Variants in SNX24 observed in about 807,000 individuals in gnomAD.
The protein encoded by SNX24 is sorting nexin 24.
SNX24 carries 22 observed loss-of-function variants against 28.7 expected under a neutral mutation model. That is an observed-to-expected ratio of 0.77 (90% CI 0.55 to 1.10). The LOEUF is 1.10. Among genes scored for constraint, SNX24 ranks in the 50% least tolerant of loss-of-function variants. SNX24 has a pLI of 0.00. For synonymous variants in SNX24, 69 were observed against 71.5 expected, an observed-to-expected ratio of 0.96 and a Z score of 0.18; for missense variants, 221 against 201.1, an observed-to-expected ratio of 1.10 and a Z score of -0.60.
chr5:122,919,851 A>T (rs896615137), intron 1 of SNX24, among the ~76,000 whole-genome samples: 1 of 152,100 alleles, frequency 6.6e-6, no homozygotes, highest in Non-Finnish European at 1.5e-5. Flanking sequence ...AACTCTTCCC[A>T]TACTGTGGAG....
chr5:122,927,570 T>C (rs1337527208), intron 1 of SNX24, among the ~76,000 whole-genome samples: 2 of 152,108 alleles, frequency 1.3e-5, no homozygotes, highest in East Asian at 1.9e-4. Context: ...TTCTAGAAGG[T>C]ATAGTGTAAG....
At chr5:122,973,690 T>A (rs1241265848) in intron 3 of SNX24, among the ~76,000 whole-genome samples, 1 of 152,144 alleles carries the variant, frequency 6.6e-6, no homozygotes, top group Non-Finnish European at 1.5e-5. Flanking sequence ...GCTAGATGGA[T>A]CAAAAAGCAT....
chr5:123,026,949 C>G (rs987681835), intron 5 of SNX24, among the ~76,000 whole-genome samples: 1 of 152,132 alleles, frequency 6.6e-6, no homozygotes, highest in Non-Finnish European at 1.5e-5. Context: ...AATCCCAGCA[C>G]TTTGGGAGGC....
intron 6 of SNX24, among the ~76,000 whole-genome samples, chr5:123,006,954 G>A (rs1332078761): frequency 6.6e-6 from 1 of 152,130 alleles, no homozygotes; most frequent in Admixed American, 6.5e-5. Context: ...ATAGTTCCTG[G>A]ATATCATTAT....
At chr5:122,977,617 C>T (rs1761220398) in intron 3 of SNX24, among the ~76,000 whole-genome samples, 1 of 152,130 alleles carries the variant, frequency 6.6e-6, no homozygotes, top group Non-Finnish European at 1.5e-5. Context: ...GAAATTTCTG[C>T]CTTTAAATTA....
chr5:122,875,942 C>T (rs1034007539), intron 1 of SNX24, among the ~76,000 whole-genome samples: 2 of 152,080 alleles, frequency 1.3e-5, no homozygotes, highest in South Asian at 2.1e-4. Context: ...TGCATGGTGG[C>T]GGGCGCCTAT....
intron 5 of SNX24, among the ~76,000 whole-genome samples, chr5:123,014,686 G>A (rs1262372031): frequency 3.3e-5 from 5 of 152,042 alleles, no homozygotes; most frequent in African/African-American, 1.2e-4. Flanking sequence ...TTTTTAAAAT[G>A]TTGATCAGAT....
chr5:123,018,430 T>C (rs1384575039), intron 5 of SNX24, among the ~76,000 whole-genome samples: 1 of 152,066 alleles, frequency 6.6e-6, no homozygotes, highest in African/African-American at 2.4e-5. Flanking sequence ...AGATCCAGGA[T>C]ATCTATAACA....
At chr5:122,907,907 ATTTTCT>A (rs1757712656) in intron 1 of SNX24, among the ~76,000 whole-genome samples, 1 of 148,912 alleles carries the variant, frequency 6.7e-6, no homozygotes, top group African/African-American at 2.5e-5. Flanking sequence ...TTTTTTTTTA[ATTTTCT>A]TTTAAGGACA....
In SNX24 at chr5:122,850,116, TG is replaced by T. The variant is rs1284465995; in HGVS notation, c.60+4424del. On this transcript the variant is annotated intron_variant, in intron 1 of 6. Transcript: ENST00000261369. ...ATGATTAGCTTTGCATTTAGAAAGA[TG>T]ACTATCTTAGTTCAGGCTACTTTAA... Among the ~76,000 whole-genome samples, 10 of 152,334 alleles carry T rather than the reference TG, an allele frequency of 6.6e-5. No individual in the cohort carries two copies. In the East Asian group the frequency reaches 1.5e-3, roughly 23 times the overall value.
At chr5:122,931,076 G>A (rs942159022) in intron 1 of SNX24, among the ~76,000 whole-genome samples, 2 of 152,022 alleles carry the variant, frequency 1.3e-5, no homozygotes, top group African/African-American at 4.8e-5. Context: ...GTAGTGGTTG[G>A]TTTGTAGCAG....
At chr5:122,860,530 A>T (rs891757701) in intron 1 of SNX24, among the ~76,000 whole-genome samples, 1 of 152,162 alleles carries the variant, frequency 6.6e-6, no homozygotes, top group African/African-American at 2.4e-5. Flanking sequence ...CCTGTAGGAG[A>T]TGAAGGGGCA....
At chr5:122,993,873 G>A (rs1761956859) in intron 3 of SNX24, among the ~76,000 whole-genome samples, 1 of 152,148 alleles carries the variant, frequency 6.6e-6, no homozygotes, top group Non-Finnish European at 1.5e-5. Flanking sequence ...AAGCTTCAGT[G>A]GTGAACTTTG....
intron 3 of SNX24, among the ~76,000 whole-genome samples, chr5:122,994,894 A>G (rs972572618): frequency 1.3e-5 from 2 of 152,198 alleles, no homozygotes; most frequent in African/African-American, 4.8e-5. Flanking sequence ...TCTATTGCCC[A>G]GTTTTACTGT....
intron 6 of SNX24, among the ~76,000 whole-genome samples, chr5:123,004,745 T>C (rs1762364499): frequency 6.6e-6 from 1 of 152,194 alleles, no homozygotes; most frequent in Non-Finnish European, 1.5e-5. Flanking sequence ...TCAGATGTGC[T>C]GTTTCCTCCA....
intron 1 of SNX24, among the ~76,000 whole-genome samples, chr5:122,865,276 A>C (rs538255573): frequency 6.6e-6 from 1 of 152,338 alleles, no homozygotes; most frequent in South Asian, 2.1e-4. Flanking sequence ...ATACTTAATT[A>C]AAGAAAGGCA....
intron 3 of SNX24, among the ~76,000 whole-genome samples, chr5:122,992,168 C>T (rs911782368): frequency 1.3e-5 from 2 of 152,112 alleles, no homozygotes; most frequent in African/African-American, 4.8e-5. Context: ...AACATATAGT[C>T]ATTAAAATTA....
At chr5:122,885,613 TCA>T (rs2150065265) in intron 1 of SNX24, among the ~76,000 whole-genome samples, 1 of 152,280 alleles carries the variant, frequency 6.6e-6, no homozygotes, top group South Asian at 2.1e-4. Flanking sequence ...CAGCCTATTC[TCA>T]GTCTGCCAGC....
At chr5:122,863,471 G>A (rs1016140663) in intron 1 of SNX24, among the ~76,000 whole-genome samples, 4 of 152,018 alleles carry the variant, frequency 2.6e-5, no homozygotes, top group Non-Finnish European at 4.4e-5. Flanking sequence ...ATGGTGGGGT[G>A]GGAGGGCAGA....
Sources: gnomAD v4.1 joint callset for allele counts (sites outside exome capture counted in the v4.1 genomes callset) on GRCh38, gnomAD v4.1.1 for gene constraint, MANE v1.5 for transcripts, NCBI Gene and HGNC (gene_info 2026-07-23, HGNC 2026-07-21) for gene names.